The following PDE4A variants were observed in gnomAD, a reference collection of about 807,000 sequenced individuals.
PDE4A encodes the protein phosphodiesterase 4A.
A neutral mutation model predicts 73.9 loss-of-function variants in PDE4A; 21 were observed. That is an observed-to-expected ratio of 0.28 (90% CI 0.20 to 0.41). The LOEUF (loss-of-function observed/expected upper bound fraction) is 0.41, where lower values mean the gene tolerates loss of function less well. PDE4A is among the 10% of genes least tolerant of loss of function. The pLI, the probability that PDE4A is intolerant of heterozygous loss-of-function variation, is 1.00. For missense variants in PDE4A, 958 were observed against 1,211.4 expected, an observed-to-expected ratio of 0.79 and a Z score of 3.10; for synonymous variants, 463 against 505.4, an observed-to-expected ratio of 0.92 and a Z score of 1.13.
chr19:10,428,155 C>T (rs1253338261), intron 1 of PDE4A, among the ~76,000 whole-genome samples: 3 of 152,102 alleles, frequency 2.0e-5, no homozygotes, highest in Non-Finnish European at 2.9e-5. Flanking sequence ...AGCTCAAGAC[C>T]AGCCTGGGCA....
At chr19:10,429,121 G>A (rs1156587450) in intron 1 of PDE4A, among the ~76,000 whole-genome samples, 2 of 149,126 alleles carry the variant, frequency 1.3e-5, no homozygotes, top group African/African-American at 5.0e-5. Flanking sequence ...GAAAGAAAGA[G>A]AGAAAGGGGG....
intron 2 of PDE4A, among the ~76,000 whole-genome samples, chr19:10,447,839 T>C (rs1388725492): frequency 6.6e-6 from 1 of 152,128 alleles, no homozygotes; most frequent in Non-Finnish European, 1.5e-5. Flanking sequence ...CTGAACCTGC[T>C]CAGCCTCTTC....
chr19:10,437,846 C>G (rs991561692), intron 1 of PDE4A, among the ~76,000 whole-genome samples: 7 of 149,232 alleles, frequency 4.7e-5, no homozygotes, highest in Non-Finnish European at 1.0e-4. Context: ...ACTCTATCAC[C>G]CAGGCTGGAG....
chr19:10,417,913 T>A, upstream of PDE4A: 1 of 1,519,320 alleles, frequency 6.6e-7, no homozygotes, highest in Non-Finnish European at 8.8e-7. Context: ...GGAGGCACAG[T>A]GCCAACTGGG....
rs781778428 is a variant in PDE4A, at chr19:10,454,796, A to G, written c.784-33A>G. On this transcript the variant is annotated intron_variant, in intron 6 of 14. Coordinates refer to ENST00000380702, the MANE Select transcript of PDE4A (RefSeq NM_001111307.2). The stretch of plus-strand genomic sequence containing the variant: ...CCCTCCTCACCACTGTGCTTCCCCC[A>G]TCATTTCTTCCTTGTTGACTCCTTT... 21 of 1,613,344 alleles carry G rather than the reference A, an allele frequency of 1.3e-5. No homozygotes were observed. The Admixed American group carries it at 3.3e-4, about 26-fold the overall frequency.
chr19:10,465,996 C>T (rs1203491531), intron 14 of PDE4A, among the ~76,000 whole-genome samples: 3 of 143,794 alleles, frequency 2.1e-5, no homozygotes, highest in African/African-American at 5.1e-5. Context: ...CCACTGCATC[C>T]GGCCTACTTT....
At chr19:10,437,338 G>C (rs754468323) in intron 1 of PDE4A, among the ~76,000 whole-genome samples, 1 of 152,074 alleles carries the variant, frequency 6.6e-6, no homozygotes, top group African/African-American at 2.4e-5. Flanking sequence ...TGGTCAGGCT[G>C]GTCTCGAACT....
chr19:10,452,077 G>A (rs2043100008), intron 6 of PDE4A, among the ~76,000 whole-genome samples: 1 of 150,304 alleles, frequency 6.7e-6, no homozygotes. Flanking sequence ...TTGCATCTGT[G>A]AGTATATTTC....
At chr19:10,454,253 C>T (rs561252543) in intron 6 of PDE4A, among the ~76,000 whole-genome samples, 33 of 152,304 alleles carry the variant, frequency 2.2e-4, no homozygotes, top group African/African-American at 7.5e-4. Flanking sequence ...CCTACCCCGG[C>T]CAAACCTTTT....
intron 1 of PDE4A, among the ~76,000 whole-genome samples, chr19:10,442,251 GC>G (rs1224700011): frequency 1.3e-5 from 2 of 151,940 alleles, no homozygotes; most frequent in Admixed American, 1.3e-4. Context: ...AATCTCCTAG[GC>G]CTGCCAGGCA....
intron 1 of PDE4A, among the ~76,000 whole-genome samples, chr19:10,438,854 C>T (rs1434263307): frequency 2.0e-5 from 3 of 152,142 alleles, no homozygotes; most frequent in African/African-American, 7.2e-5. Flanking sequence ...GATCCGCCCA[C>T]CTCATCCTAC....
At chr19:10,438,723 T>C (rs2042898326) in intron 1 of PDE4A, among the ~76,000 whole-genome samples, 1 of 152,210 alleles carries the variant, frequency 6.6e-6, no homozygotes, top group African/African-American at 2.4e-5. Flanking sequence ...TTCTCCTGCC[T>C]CAGCCTCCGA....
At chr19:10,421,968 A>G (rs1392352096) in intron 1 of PDE4A, among the ~76,000 whole-genome samples, 8 of 152,062 alleles carry the variant, frequency 5.3e-5, no homozygotes, top group African/African-American at 1.9e-4. Context: ...GGGACAGTGT[A>G]ATTGTGACAG....
At chr19:10,454,683 C>T in intron 6 of PDE4A, 146 bp from the exon 7 acceptor site, 1 of 1,413,290 alleles carries the variant, frequency 7.1e-7, no homozygotes, top group Non-Finnish European at 9.5e-7. Context: ...ACCCCAACCC[C>T]CCAGCAGTCT....
In PDE4A at chr19:10,467,716, T is replaced by C; in HGVS notation, c.*95T>C. Reference sequence around the variant, plus strand: ...CTCTGCCTCAAAGACTCTTGTCCTCTTGTCCCTCCTGAGAAAAAAGAAAAC... The same window carrying C: ...CTCTGCCTCAAAGACTCTTGTCCTCCTGTCCCTCCTGAGAAAAAAGAAAAC... On this transcript the variant is annotated 3_prime_UTR_variant, in exon 15 of 15. Coordinates refer to ENST00000380702, the MANE Select transcript of PDE4A (RefSeq NM_001111307.2). 1.1e-6 allele frequency: 1 copy of C among 917,900 alleles called. No homozygotes were observed. Among genetic ancestry groups the C allele is most frequent in the Non-Finnish European group, 1.6e-6 (1 of 625,334 alleles). The allele number at this position is 917,900 out of a possible 1,614,324, so 56.9% of individuals were successfully genotyped here. A position where few individuals can be genotyped will look rare whatever the true frequency, so the allele number is the denominator to read the frequency against.
rs879206947 is a variant in PDE4A, at chr19:10,467,006, C to A, written c.2046C>A (p.Ala682=). 10 of 1,614,064 alleles carry A rather than the reference C, an allele frequency of 6.2e-6. No individual in the cohort carries two copies. The South Asian group carries it at 1.1e-4, about 18-fold the overall frequency. Residue 682 remains alanine, a synonymous_variant, in exon 15 of 15, where the codon GCC becomes GCA. Coordinates refer to ENST00000380702, the MANE Select transcript of PDE4A (RefSeq NM_001111307.2). ...ACAACCGGGACTGGTACTACAGCGC[C>A]ATCCGGCAGAGCCCATCTCCGCCAC... ...LEDNRDWYYS[A]IRQSPSPPPE...
At chr19:10,459,282 A>G (rs2043220680) in intron 8 of PDE4A, 118 bp from the exon 9 acceptor site, 14 of 1,534,754 alleles carry the variant, frequency 9.1e-6, no homozygotes, top group Non-Finnish European at 1.2e-5. Flanking sequence ...TGAACCTGTC[A>G]CCCACTGGGT....
At chr19:10,423,157 C>CA in intron 1 of PDE4A, 1 of 755,536 alleles carries the variant, frequency 1.3e-6, no homozygotes, top group Non-Finnish European at 1.5e-6. Context: ...AACCCTTTCT[C>CA]TTTTTTTTTT....
Position 10,469,208 on chromosome 19 carries a change from T to C in PDE4A, c.*1587T>C, listed in dbSNP as rs2043435974. On this transcript the variant is annotated 3_prime_UTR_variant, in exon 15 of 15. Coordinates refer to ENST00000380702, the MANE Select transcript of PDE4A (RefSeq NM_001111307.2). ...CTTTCTTTCTTTTTTGTACATACTG[T>C]AAGGTTGGTTTGTAAATTATTCTAC... is the stretch of plus-strand genomic sequence containing the variant. 6.6e-6 allele frequency: 1 copy of C among 152,280 alleles called. No homozygotes were observed. The highest frequency in any genetic ancestry group is 1.5e-5 in the Non-Finnish European group (1 of 68,036). The allele number at this position is 152,280 out of a possible 1,614,324, so 9.4% of individuals were successfully genotyped here. A position where few individuals can be genotyped will look rare whatever the true frequency, so the allele number is the denominator to read the frequency against.
Sources: allele counts gnomAD v4.1 joint callset (sites outside exome capture counted in the v4.1 genomes callset), GRCh38; gene constraint gnomAD v4.1.1; transcripts MANE v1.5; gene names NCBI Gene and HGNC (gene_info 2026-07-23, HGNC 2026-07-21).